Variants in GPC6 observed in about 807,000 individuals in gnomAD.
GPC6 encodes glypican-6.
Under a neutral mutation model 55.2 loss-of-function variants are expected in GPC6, and 14 were observed. That is an observed-to-expected ratio of 0.25 (90% CI 0.17 to 0.40). The LOEUF is 0.40. Among genes scored for constraint, GPC6 ranks in the 10% least tolerant of loss-of-function variants. The pLI, the probability that GPC6 is intolerant of heterozygous loss-of-function variation, is 1.00. For synonymous variants in GPC6, 278 were observed against 259.6 expected (o/e 1.07, Z -0.68); for missense variants, 641 against 708.5 (o/e 0.90, Z 1.08).
At chr13:93,437,518 G>A (rs893484219) in intron 1 of GPC6, among the ~76,000 whole-genome samples, 5 of 152,328 alleles carry the variant, frequency 3.3e-5, no homozygotes, top group East Asian at 1.9e-4. Flanking sequence ...GAAGGTTTCA[G>A]TGGTCTGGAT....
intron 3 of GPC6, among the ~76,000 whole-genome samples, chr13:93,837,873 A>G (rs1887798639): frequency 6.6e-6 from 1 of 152,188 alleles, no homozygotes. Flanking sequence ...AGGCAGAGGC[A>G]GTAACAGAGC....
In GPC6 at chr13:94,194,513, A is replaced by G. The variant is rs1289508704; in HGVS notation, c.878-91836A>G. ...AAGTAACTCAGGAATGGAAAACCAA[A>G]CATTGTATGTTCTCACTCATAAGTG... is the stretch of plus-strand genomic sequence containing the variant. On this transcript the variant is annotated intron_variant, in intron 4 of 8. Coordinates refer to ENST00000377047, the MANE Select transcript of GPC6 (RefSeq NM_005708.5). Among the ~76,000 whole-genome samples the G allele has an allele frequency of 2.6e-5, 4 of 152,320 alleles. No individual in the cohort carries two copies. In the South Asian group the frequency reaches 8.3e-4, roughly 32 times the overall value.
At chr13:93,690,252 T>G (rs1242250755) in intron 2 of GPC6, among the ~76,000 whole-genome samples, 1 of 152,032 alleles carries the variant, frequency 6.6e-6, no homozygotes, top group Admixed American at 6.6e-5. Context: ...GGGTAATACC[T>G]AAAGTCAAAC....
intron 2 of GPC6, among the ~76,000 whole-genome samples, chr13:93,576,531 A>G (rs1876672903): frequency 6.6e-6 from 1 of 152,002 alleles, no homozygotes; most frequent in South Asian, 2.1e-4. Context: ...TAATATTTTT[A>G]TGCATAAAAT....
At chr13:93,640,416 A>G (rs1879863872) in intron 2 of GPC6, among the ~76,000 whole-genome samples, 1 of 152,096 alleles carries the variant, frequency 6.6e-6, no homozygotes. Flanking sequence ...AGAAAAAAAT[A>G]TCGGCTTGGA....
At chr13:93,792,319 T>C (rs991185898) in intron 2 of GPC6, among the ~76,000 whole-genome samples, 7 of 152,218 alleles carry the variant, frequency 4.6e-5, no homozygotes, top group Non-Finnish European at 1.0e-4. Context: ...ATAGGGTTTT[T>C]TTCTTTTTTG....
intron 2 of GPC6, among the ~76,000 whole-genome samples, chr13:93,637,884 T>C (rs1879762520): frequency 6.6e-6 from 1 of 152,136 alleles, no homozygotes; most frequent in East Asian, 1.9e-4. Flanking sequence ...GTCCTCCATA[T>C]GTAGCCGTCA....
intron 4 of GPC6, among the ~76,000 whole-genome samples, chr13:94,268,075 G>A (rs1308308274): frequency 2.6e-5 from 4 of 152,178 alleles, no homozygotes; most frequent in Non-Finnish European, 5.9e-5. Flanking sequence ...AAGAAGAATG[G>A]AAAATAATTA....
intron 4 of GPC6, among the ~76,000 whole-genome samples, chr13:94,209,905 G>A (rs1368891350): frequency 2.6e-5 from 4 of 152,082 alleles, no homozygotes; most frequent in African/African-American, 4.8e-5. Context: ...GAATGCAGTG[G>A]CACGAACACA....
At chr13:93,970,111 T>G (rs1249461496) in intron 3 of GPC6, among the ~76,000 whole-genome samples, 4 of 152,204 alleles carry the variant, frequency 2.6e-5, no homozygotes, top group South Asian at 4.1e-4. Flanking sequence ...ATAAAAATCT[T>G]AAGAGCCTTC....
chr13:93,999,661 G>T (rs59642237), intron 3 of GPC6, among the ~76,000 whole-genome samples: 6,518 of 152,086 alleles, frequency 0.043, 486 homozygotes, highest in African/African-American at 0.15. Flanking sequence ...CCATTGTGTC[G>T]ACCACATTTT....
intron 4 of GPC6, among the ~76,000 whole-genome samples, chr13:94,261,696 G>C (rs751252650): frequency 1.5e-4 from 23 of 152,204 alleles, no homozygotes; most frequent in Non-Finnish European, 2.5e-4. Flanking sequence ...TGGGCAGGAG[G>C]AGACAGAGAC....
chr13:93,509,258 G>A (rs1880852251), intron 1 of GPC6, among the ~76,000 whole-genome samples: 1 of 152,180 alleles, frequency 6.6e-6, no homozygotes, highest in Admixed American at 6.5e-5. Flanking sequence ...CAGGCAACAA[G>A]TCAGGTGATG....
chr13:93,889,538 A>T (rs550660902), intron 3 of GPC6, among the ~76,000 whole-genome samples: 12 of 152,262 alleles, frequency 7.9e-5, no homozygotes, highest in Non-Finnish European at 1.5e-4. Flanking sequence ...ATAGAATTTT[A>T]ATATGGGTTT....
chr13:93,569,824 T>C (rs1876317359), intron 2 of GPC6, among the ~76,000 whole-genome samples: 1 of 152,124 alleles, frequency 6.6e-6, no homozygotes, highest in Admixed American at 6.6e-5. Context: ...CCAATTATAA[T>C]AAAAATATCC....
chr13:94,384,065 C>G (rs1229805673), intron 7 of GPC6, among the ~76,000 whole-genome samples: 1 of 152,198 alleles, frequency 6.6e-6, no homozygotes, highest in East Asian at 1.9e-4. Flanking sequence ...GGTGGGGACA[C>G]AGAGCCAAAC....
intron 6 of GPC6, among the ~76,000 whole-genome samples, chr13:94,352,848 G>A (rs937347063): frequency 6.6e-6 from 1 of 152,182 alleles, no homozygotes; most frequent in African/African-American, 2.4e-5. Context: ...CCATGGTGGG[G>A]CAACCTTCAA....
intron 4 of GPC6, among the ~76,000 whole-genome samples, chr13:94,274,686 C>A (rs1566622722): frequency 6.6e-6 from 1 of 151,444 alleles, no homozygotes; most frequent in African/African-American, 2.4e-5. Context: ...AAGTTAATGA[C>A]AAACTTAGAG....
intron 4 of GPC6, among the ~76,000 whole-genome samples, chr13:94,126,825 A>C (rs1219715197): frequency 6.6e-6 from 1 of 152,182 alleles, no homozygotes; most frequent in Non-Finnish European, 1.5e-5. Flanking sequence ...TCACAGTTAA[A>C]TCCTTATTTT....
Sources: allele counts gnomAD v4.1 joint callset (sites outside exome capture counted in the v4.1 genomes callset), GRCh38; gene constraint gnomAD v4.1.1; transcripts MANE v1.5; gene names NCBI Gene and HGNC (gene_info 2026-07-23, HGNC 2026-07-21).